The following CIBAR1 variants were observed in gnomAD, a reference collection of about 807,000 sequenced individuals.
CIBAR1 encodes the protein CBY1-interacting BAR domain-containing protein 1.
A neutral mutation model predicts 44.0 loss-of-function variants in CIBAR1; 25 were observed. The ratio of observed to expected loss-of-function variants is 0.57; its 90% CI spans 0.41 to 0.79. The LOEUF (loss-of-function observed/expected upper bound fraction) is 0.79. CIBAR1 is among the 30% of genes least tolerant of loss of function. CIBAR1 has a pLI of 0.00. For synonymous variants in CIBAR1, 115 were observed against 119.0 expected, an observed-to-expected ratio of 0.97 and a Z score of 0.22; for missense variants, 278 against 344.8, an observed-to-expected ratio of 0.81 and a Z score of 1.53.
intron 8 of CIBAR1, 146 bp from the exon 9 acceptor site, chr8:93,728,059 G>A: frequency 6.4e-6 from 3 of 465,186 alleles, no homozygotes; most frequent in Non-Finnish European, 1.1e-5. Context: ...AAAATTCATA[G>A]GGAATTTTCA....
chr8:93,724,316 T>A (rs1007554493), intron 7 of CIBAR1, among the ~76,000 whole-genome samples: 1 of 152,120 alleles, frequency 6.6e-6, no homozygotes, highest in South Asian at 2.1e-4. Flanking sequence ...GAGAAATGTA[T>A]AAGTTTTATA....
intron 7 of CIBAR1, among the ~76,000 whole-genome samples, chr8:93,720,474 T>C (rs1811221132): frequency 6.6e-6 from 1 of 152,226 alleles, no homozygotes; most frequent in Non-Finnish European, 1.5e-5. Flanking sequence ...ATATACATAT[T>C]TATATTTCTC....
At chr8:93,712,063 A>C (rs1349929334) in intron 6 of CIBAR1, among the ~76,000 whole-genome samples, 1 of 152,214 alleles carries the variant, frequency 6.6e-6, no homozygotes, top group East Asian at 1.9e-4. Flanking sequence ...TCACAGAAGA[A>C]AAATTTTTTA....
chr8:93,715,001 G>C (rs1243467440), intron 6 of CIBAR1, among the ~76,000 whole-genome samples: 3 of 152,204 alleles, frequency 2.0e-5, no homozygotes, highest in African/African-American at 7.2e-5. Flanking sequence ...TCTGGAAGCA[G>C]AAATGATTGG....
In CIBAR1 at chr8:93,713,024, CTTTT is replaced by C. The variant is rs374305882; in HGVS notation, c.543+3154_543+3157del. ...TGAGATCCTTTACCCTTTTTTTCTC[CTTTT>C]TTTTCTTTTTTTTTTTTTTTTCGAG... On this transcript the variant is annotated intron_variant, in intron 6 of 8. Coordinates refer to ENST00000518322, the MANE Select transcript of CIBAR1 (RefSeq NM_145269.5). Among the ~76,000 whole-genome samples the C allele has an allele frequency of 2.2e-3, 17 of 7,572 alleles. No homozygotes were observed. The South Asian group carries it at 0.024, about 11-fold the overall frequency. The allele number at this position is 7,572 out of a possible 152,430, so 5.0% of individuals were successfully genotyped here. A position where few individuals can be genotyped will look rare whatever the true frequency, so the allele number is the denominator to read the frequency against.
In CIBAR1 at chr8:93,728,258, C is replaced by T. The variant is rs200614366; in HGVS notation, c.831C>T (p.Asp277=). The T allele has an allele frequency of 7.0e-5, 111 of 1,596,672 alleles. 1 individual carries two copies. The South Asian group carries it at 8.2e-4, about 12-fold the overall frequency. The change falls in exon 9 of 9, where the codon GAC becomes GAT. Residue 277 remains aspartate (D), a synonymous_variant. Transcript: ENST00000518322. ...AACAAGCAGAAGATGATGAGGATGACGAGTTAGATGTTACAGAAGAAGAAA... is the reference window on the plus strand; with the variant it reads ...AACAAGCAGAAGATGATGAGGATGATGAGTTAGATGTTACAGAAGAAGAAA... ...KDQQAEDDED[D]ELDVTEEENF... is the part of the protein sequence containing the mutation.
In CIBAR1 at chr8:93,700,573, C is replaced by A. The variant is rs1015966220; in HGVS notation, c.-75C>A. The A allele has an allele frequency of 4.3e-6, 6 of 1,403,536 alleles. No homozygotes were observed. The highest frequency in any genetic ancestry group is 4.6e-6 in the Non-Finnish European group (5 of 1,078,048). The allele number at this position is 1,403,536 out of a possible 1,614,324, so 86.9% of individuals were successfully genotyped here. A position where few individuals can be genotyped will look rare whatever the true frequency, so the allele number is the denominator to read the frequency against. On this transcript the variant is annotated 5_prime_UTR_variant, in exon 1 of 9. Coordinates refer to ENST00000518322, the MANE Select transcript of CIBAR1 (RefSeq NM_145269.5). ...TCAGGCTCCCGGCGGCTGCTTGCGC[C>A]CCAGCGCGCGCCCAGGCGCCTTGGA... is the stretch of plus-strand genomic sequence containing the variant.
rs1810346972 is a variant in CIBAR1, at chr8:93,701,374, T to G, written c.177T>G (p.Ala59=). 1.2e-6 allele frequency: 2 copies of G among 1,613,860 alleles called. No homozygotes were observed. Among genetic ancestry groups the G allele is most frequent in the South Asian group, 2.2e-5 (2 of 91,076 alleles). Residue 59 remains alanine (A), a synonymous_variant, in exon 2 of 9, where the codon GCT becomes GCG. Coordinates refer to ENST00000518322, the MANE Select transcript of CIBAR1 (RefSeq NM_145269.5). ...DLLVNEINAY[A]ATETPHLKLG... is the part of the protein sequence containing the mutation. ...TGGTGAATGAAATTAACGCGTATGC[T>G]GCTACAGAGACCCCGCATTTAAAGC...
intron 6 of CIBAR1, chr8:93,716,213 T>C (rs1811030112): frequency 6.6e-6 from 1 of 152,094 alleles, no homozygotes; most frequent in Non-Finnish European, 1.5e-5. Flanking sequence ...CCAGCTAATT[T>C]TTGTATTTTT....
chr8:93,709,752 T>C lies in CIBAR1; in HGVS notation c.439-19T>C. The C allele has an allele frequency of 3.1e-6, 5 of 1,601,530 alleles. No homozygotes were observed. Among genetic ancestry groups the C allele is most frequent in the Non-Finnish European group, 3.4e-6 (4 of 1,170,186 alleles). ...CATTTGATTTTTTTTATATCCTTGGTTGGGGAATACTTTTGTAGGCAGAAA... is the reference window on the plus strand; with the variant it reads ...CATTTGATTTTTTTTATATCCTTGGCTGGGGAATACTTTTGTAGGCAGAAA... On this transcript the variant is annotated intron_variant, in intron 5 of 8. Transcript: ENST00000518322.
intron 4 of CIBAR1, 62 bp from the exon 5 acceptor site, chr8:93,707,949 T>C: frequency 8.7e-7 from 1 of 1,148,894 alleles, no homozygotes; most frequent in Non-Finnish European, 1.2e-6. Flanking sequence ...AGTATATAAA[T>C]TTATTGAAAA....
intron 3 of CIBAR1, among the ~76,000 whole-genome samples, chr8:93,704,251 T>G (rs897005655): frequency 4.6e-5 from 7 of 152,232 alleles, no homozygotes; most frequent in African/African-American, 1.7e-4. Flanking sequence ...ATTGCTTTAC[T>G]ATATGAATAT....
intron 6 of CIBAR1, among the ~76,000 whole-genome samples, chr8:93,711,562 G>A (rs1257047173): frequency 1.3e-5 from 2 of 152,144 alleles, no homozygotes; most frequent in Non-Finnish European, 2.9e-5. Context: ...AGTATGGTCA[G>A]GGTATAAAGT....
chr8:93,728,492 C>G lies in CIBAR1; in HGVS notation c.*195C>G, dbSNP rs1811646390. 7.1e-6 allele frequency: 3 copies of G among 423,244 alleles called. No individual in the cohort carries two copies. Among genetic ancestry groups the G allele is most frequent in the Admixed American group, 8.9e-5 (2 of 22,408 alleles). The allele number at this position is 423,244 out of a possible 1,614,324, so 26.2% of individuals were successfully genotyped here. A position where few individuals can be genotyped will look rare whatever the true frequency, so the allele number is the denominator to read the frequency against. The stretch of plus-strand genomic sequence containing the variant: ...GCATACCAGTCATTTCAACATCCTA[C>G]CTAGTGTTACATGATTTTTGTGTAA... On this transcript the variant is annotated 3_prime_UTR_variant, in exon 9 of 9. Transcript: ENST00000518322.
chr8:93,709,599 C>T lies in CIBAR1; in HGVS notation c.439-172C>T, dbSNP rs1810738836. On this transcript the variant is annotated intron_variant, in intron 5 of 8. Coordinates refer to ENST00000518322, the MANE Select transcript of CIBAR1 (RefSeq NM_145269.5). ...ATATCACTAAATAAAGTTCTTTATT[C>T]TGCATGTGCTTACATAGATCATTTT... 1.2e-5 allele frequency: 7 copies of T among 582,782 alleles called. No homozygotes were observed. In the South Asian group the frequency reaches 1.4e-4, roughly 12 times the overall value. 36.1% of individuals were successfully genotyped at this position (582,782 alleles called of 1,614,324 possible). A position where few individuals can be genotyped will look rare whatever the true frequency, so the allele number is the denominator to read the frequency against.
rs900561940 is a variant in CIBAR1 at position 93,713,250 on chromosome 8, C to T, written c.543+3375C>T. Reference sequence around the variant, plus strand: ...GTTTTACCATGTTGGCCAGGCTGGTCGTGAACTCCTGACCTCAGGTGATCT... The same window carrying T: ...GTTTTACCATGTTGGCCAGGCTGGTTGTGAACTCCTGACCTCAGGTGATCT... On this transcript the variant is annotated intron_variant, in intron 6 of 8. Transcript: ENST00000518322. 5.3e-5 allele frequency among the ~76,000 whole-genome samples: 8 copies of T among 151,700 alleles called. No individual in the cohort carries two copies. In the South Asian group the frequency reaches 6.3e-4, roughly 12 times the overall value.
chr8:93,727,084 T>C lies in CIBAR1; in HGVS notation c.777+571T>C, dbSNP rs181125890. ...TAAATAACAACTGTTAAGTAACACATAAAGCAGTATGACTGTGTTCTAATA... is the reference window on the plus strand; with the variant it reads ...TAAATAACAACTGTTAAGTAACACACAAAGCAGTATGACTGTGTTCTAATA... On this transcript the variant is annotated intron_variant, in intron 8 of 8. Coordinates refer to ENST00000518322, the MANE Select transcript of CIBAR1 (RefSeq NM_145269.5). 33 of 636,070 alleles carry C rather than the reference T, an allele frequency of 5.2e-5. No individual in the cohort carries two copies. The East Asian group carries it at 1.7e-3, about 33-fold the overall frequency. The allele number at this position is 636,070 out of a possible 1,614,324, so 39.4% of individuals were successfully genotyped here.
chr8:93,722,286 A>G (rs1187078241), intron 7 of CIBAR1, among the ~76,000 whole-genome samples: 5 of 152,230 alleles, frequency 3.3e-5, no homozygotes, highest in Admixed American at 6.5e-5. Context: ...ATAACTTGCT[A>G]TTCTTCCAGA....
chr8:93,707,985 A>AT (rs753725495), intron 4 of CIBAR1, 26 bp from the exon 5 acceptor site: 4 of 1,530,564 alleles, frequency 2.6e-6, no homozygotes, highest in Non-Finnish European at 2.6e-6. Context: ...TTTGAAATGT[A>AT]TTTTTTCCTT....
Sources: allele counts gnomAD v4.1 joint callset (sites outside exome capture counted in the v4.1 genomes callset), GRCh38; gene constraint gnomAD v4.1.1; transcripts MANE v1.5; gene names NCBI Gene and HGNC (gene_info 2026-07-23, HGNC 2026-07-21).